The following DIAPH1 variants were observed in gnomAD, a reference collection of about 807,000 sequenced individuals.
The protein encoded by DIAPH1 is diaphanous related formin 1.
Under a neutral mutation model 140.7 loss-of-function variants are expected in DIAPH1, and 46 were observed. That is an observed-to-expected ratio of 0.33 (90% confidence interval 0.26 to 0.42). The LOEUF (loss-of-function observed/expected upper bound fraction) is 0.42, where lower values mean the gene tolerates loss of function less well. Among genes scored for constraint, DIAPH1 ranks in the 10% least tolerant of loss-of-function variants. The pLI is 1.00. For synonymous variants in DIAPH1, 565 were observed against 551.6 expected, an observed-to-expected ratio of 1.02 and a Z score of -0.34; for missense variants, 1,310 against 1,558.7, an observed-to-expected ratio of 0.84 and a Z score of 2.69.
chr5:141,573,823 G>T lies in DIAPH1; in HGVS notation c.2027C>A (p.Pro676His). The T allele has an allele frequency of 6.6e-7, 1 of 1,519,800 alleles. No homozygotes were observed. The allele number at this position is 1,519,800 out of a possible 1,614,324, so 94.1% of individuals were successfully genotyped here. A position where few individuals can be genotyped will look rare whatever the true frequency, so the allele number is the denominator to read the frequency against. ...ACTCCCAGGCAAAGGAGGAGGTGGG[G>T]GGATGGCAGTACCTCCAGGCAAAGA... ...PSSLPGGTAI[P>H]PPPPLPGSAR... The change falls in exon 16 of 28, where the codon CCC becomes CAC. Residue 676 changes from proline (P) to histidine (H), a missense_variant. Pro to His is a moderately conservative substitution (Grantham distance 77). Coordinates refer to ENST00000389054, the MANE Select transcript of DIAPH1 (RefSeq NM_005219.5).
At position 141,576,761 on chromosome 5, in the gene DIAPH1, A is replaced by G. The variant is rs184854976; in HGVS notation, c.1391T>C (p.Leu464Ser). 1.2e-6 allele frequency: 2 copies of G among 1,601,390 alleles called. No individual in the cohort carries two copies. The highest frequency in any genetic ancestry group is 3.3e-5 in the Admixed American group (2 of 60,008). Residue 464 changes from leucine (L) to serine (S), a missense_variant, in exon 13 of 28, where the codon TTA becomes TCA. Transcript: ENST00000389054. ...CRHLQIEIEG[L>S]IDQMIDKTKV... ...AGATAGAAGAGTATGCTTACCAATT[A>G]ATCCCTCAATCTCAATCTGGAGGTG...
intron 7 of DIAPH1, 125 bp downstream of exon 7, chr5:141,582,187 T>C (rs746917072): frequency 4.0e-6 from 3 of 748,174 alleles, no homozygotes; most frequent in African/African-American, 1.8e-5. Context: ...AAAACAGTTA[T>C]GATACTAAAA....
At chr5:141,556,289 G>A (rs79111264) in intron 18 of DIAPH1, among the ~76,000 whole-genome samples, 1 of 151,970 alleles carries the variant, frequency 6.6e-6, no homozygotes, top group Non-Finnish European at 1.5e-5. Flanking sequence ...TTACCAGGGA[G>A]AAAGCTGCTA....
chr5:141,529,407 A>ACTCTGTT, intron 20 of DIAPH1, 134 bp from the exon 21 acceptor site: 1 of 909,564 alleles, frequency 1.1e-6, no homozygotes, highest in Middle Eastern at 2.1e-4. Flanking sequence ...GGGAGAAGAG[A>ACTCTGTT]GGCAGCTACT....
intron 27 of DIAPH1, among the ~76,000 whole-genome samples, chr5:141,521,873 AT>A (rs1240026250): frequency 1.3e-5 from 2 of 152,206 alleles, no homozygotes; most frequent in African/African-American, 4.8e-5. Context: ...CACAAAAAAA[AT>A]ATTAGAGCTG....
chr5:141,564,599 A>C (rs964521439), intron 18 of DIAPH1: 3 of 152,244 alleles, frequency 2.0e-5, no homozygotes, highest in African/African-American at 4.8e-5. Flanking sequence ...CTATACTCCT[A>C]AACACTGGCT....
chr5:141,556,125 C>T (rs1403682815), intron 18 of DIAPH1, among the ~76,000 whole-genome samples: 1 of 152,138 alleles, frequency 6.6e-6, no homozygotes, highest in Non-Finnish European at 1.5e-5. Flanking sequence ...AAGTCAGTCT[C>T]AGGGAGTATC....
At chr5:141,537,804 G>A (rs1323282486) in intron 18 of DIAPH1, among the ~76,000 whole-genome samples, 2 of 152,080 alleles carry the variant, frequency 1.3e-5, no homozygotes, top group Non-Finnish European at 2.9e-5. Context: ...GGTTATATAC[G>A]TATATTGTAA....
intron 1 of DIAPH1, among the ~76,000 whole-genome samples, chr5:141,614,815 TAA>T (rs3840354): frequency 0.015 from 2,178 of 147,836 alleles, 71 homozygotes; most frequent in Admixed American, 0.076. Flanking sequence ...CATCATCTGT[TAA>T]AAAAAAAAAA....
At chr5:141,563,765 G>A (rs1444528742) in intron 18 of DIAPH1, 2 of 152,174 alleles carry the variant, frequency 1.3e-5, no homozygotes, top group Non-Finnish European at 2.9e-5. Flanking sequence ...GCTAGAAAGA[G>A]GCTCTAAAAA....
intron 18 of DIAPH1, among the ~76,000 whole-genome samples, chr5:141,534,761 T>A (rs554289884): frequency 6.6e-6 from 1 of 152,328 alleles, no homozygotes; most frequent in Admixed American, 6.5e-5. Context: ...ATGGTCTCAA[T>A]TATTCAACTC....
At chr5:141,618,764 G>T (rs1232861806) in intron 1 of DIAPH1, 34 bp downstream of exon 1, 1 of 1,477,432 alleles carries the variant, frequency 6.8e-7, no homozygotes, top group Non-Finnish European at 9.2e-7. Flanking sequence ...GCGGTTACGG[G>T]GCCAGGCAGG....
At chr5:141,523,133 G>A (rs746849701) in intron 27 of DIAPH1, among the ~76,000 whole-genome samples, 3 of 152,198 alleles carry the variant, frequency 2.0e-5, no homozygotes, top group Non-Finnish European at 4.4e-5. Flanking sequence ...AAAGCAAGCT[G>A]TGTTAACTCC....
At chr5:141,525,614 AC>A (rs1244176969) in intron 26 of DIAPH1, among the ~76,000 whole-genome samples, 1 of 152,228 alleles carries the variant, frequency 6.6e-6, no homozygotes, top group Non-Finnish European at 1.5e-5. Context: ...GGGACATAGT[AC>A]TTTGTGAAAT....
At chr5:141,548,242 T>C (rs1373971785) in intron 18 of DIAPH1, among the ~76,000 whole-genome samples, 1 of 149,302 alleles carries the variant, frequency 6.7e-6, no homozygotes. Context: ...ACATATTATC[T>C]TCAAATGAAA....
At chr5:141,590,019 GGGATT>G (rs1424752067) in intron 1 of DIAPH1, among the ~76,000 whole-genome samples, 1 of 151,880 alleles carries the variant, frequency 6.6e-6, no homozygotes, top group African/African-American at 2.4e-5. Context: ...CTGAGTAGCT[GGGATT>G]GCAGGTGCAT....
At chr5:141,609,168 CAAAAAAAAAA>C (rs11405338) in intron 1 of DIAPH1, among the ~76,000 whole-genome samples, 1 of 84,384 alleles carries the variant, frequency 1.2e-5, no homozygotes. Context: ...TTACTAAATG[CAAAAAAAAAA>C]AAAAAAAAAC....
At chr5:141,607,970 T>C (rs1332839176) in intron 1 of DIAPH1, among the ~76,000 whole-genome samples, 1 of 152,158 alleles carries the variant, frequency 6.6e-6, no homozygotes, top group African/African-American at 2.4e-5. Context: ...GATAAAAAGA[T>C]GAAGAAAAGT....
At chr5:141,556,323 A>G (rs961785564) in intron 18 of DIAPH1, among the ~76,000 whole-genome samples, 1 of 151,228 alleles carries the variant, frequency 6.6e-6, no homozygotes, top group Non-Finnish European at 1.5e-5. Context: ...AGTATTCGGG[A>G]AAAAAAAAGC....
Sources: gnomAD v4.1 joint callset for allele counts (sites outside exome capture counted in the v4.1 genomes callset) on GRCh38, gnomAD v4.1.1 for gene constraint, MANE v1.5 for transcripts, NCBI Gene and HGNC (gene_info 2026-07-23, HGNC 2026-07-21) for gene names.